The following NELL1 variants were observed in gnomAD, a reference collection of about 807,000 sequenced individuals.
NELL1 encodes the protein protein kinase C-binding protein NELL1.
In NELL1, 76 loss-of-function variants were observed where a neutral mutation model predicts 107.4. The ratio of observed to expected loss-of-function variants is 0.71; its 90% confidence interval spans 0.59 to 0.86. The LOEUF (loss-of-function observed/expected upper bound fraction) is 0.86. NELL1 is among the 40% of genes least tolerant of loss of function. NELL1 has a pLI of 0.00. For missense variants in NELL1, 1,024 were observed against 1,005.5 expected, an observed-to-expected ratio of 1.02 and a Z score of -0.25; for synonymous variants, 353 against 341.2, an observed-to-expected ratio of 1.03 and a Z score of -0.38.
intron 12 of NELL1, among the ~76,000 whole-genome samples, chr11:21,081,604 A>G (rs1854271137): frequency 6.6e-6 from 1 of 152,150 alleles, no homozygotes; most frequent in African/African-American, 2.4e-5. Context: ...TGAACACTGG[A>G]AGCATGAGAG....
chr11:20,705,697 G>A (rs1479047825), intron 2 of NELL1, among the ~76,000 whole-genome samples: 2 of 146,440 alleles, frequency 1.4e-5, no homozygotes, highest in Admixed American at 1.4e-4. Flanking sequence ...CTTCTGCACA[G>A]CAAAAGAAAC....
At chr11:21,274,019 A>T (rs1848799184) in intron 14 of NELL1, among the ~76,000 whole-genome samples, 1 of 152,210 alleles carries the variant, frequency 6.6e-6, no homozygotes, top group South Asian at 2.1e-4. Context: ...ACCAGCTAAC[A>T]TCATAATGAC....
At chr11:20,707,397 G>T (rs1264907604) in intron 2 of NELL1, among the ~76,000 whole-genome samples, 1 of 152,172 alleles carries the variant, frequency 6.6e-6, no homozygotes, top group Non-Finnish European at 1.5e-5. Flanking sequence ...GCTCAGCTTT[G>T]TTCCATTGCT....
At chr11:20,837,312 T>C (rs1426757100) in intron 3 of NELL1, among the ~76,000 whole-genome samples, 1 of 152,166 alleles carries the variant, frequency 6.6e-6, no homozygotes, top group Non-Finnish European at 1.5e-5. Context: ...TGATAACAGA[T>C]TAGAGTTTAA....
chr11:21,084,120 T>C (rs964362437), intron 12 of NELL1, among the ~76,000 whole-genome samples: 3 of 152,102 alleles, frequency 2.0e-5, no homozygotes, highest in Admixed American at 1.3e-4. Context: ...GCAGATGACA[T>C]TGAAATATTG....
At chr11:20,989,941 G>A (rs1296360147) in intron 12 of NELL1, among the ~76,000 whole-genome samples, 1 of 150,700 alleles carries the variant, frequency 6.6e-6, no homozygotes, top group Non-Finnish European at 1.5e-5. Flanking sequence ...AGCTTGCAGT[G>A]AGCCGAGATC....
intron 15 of NELL1, among the ~76,000 whole-genome samples, chr11:21,400,751 T>C (rs1852079209): frequency 6.6e-6 from 1 of 151,928 alleles, no homozygotes; most frequent in African/African-American, 2.4e-5. Context: ...ACGTCACCCT[T>C]TGGCATAATT....
chr11:21,368,396 G>A (rs1339627468), intron 14 of NELL1, among the ~76,000 whole-genome samples: 1 of 148,314 alleles, frequency 6.7e-6, no homozygotes, highest in East Asian at 2.0e-4. Context: ...AGTTCCCTTA[G>A]CCCTTATGGA....
intron 2 of NELL1, among the ~76,000 whole-genome samples, chr11:20,697,699 A>G (rs1519733): frequency 0.2 from 30,467 of 152,024 alleles, 3,322 homozygotes; most frequent in African/African-American, 0.25. Flanking sequence ...ATAAAAGAGA[A>G]CTGGCTTGCC....
chr11:21,393,279 G>A (rs1851918326), intron 15 of NELL1, among the ~76,000 whole-genome samples: 1 of 151,678 alleles, frequency 6.6e-6, no homozygotes, highest in Non-Finnish European at 1.5e-5. Context: ...CTTTGTGGAA[G>A]TTACAAATAC....
chr11:21,377,817 G>A (rs890500949), intron 15 of NELL1, among the ~76,000 whole-genome samples: 1 of 152,032 alleles, frequency 6.6e-6, no homozygotes, highest in Non-Finnish European at 1.5e-5. Context: ...TTGCTAGTTT[G>A]TGTATGTAGT....
At chr11:20,940,155 C>T (rs987208307) in intron 10 of NELL1, among the ~76,000 whole-genome samples, 1 of 151,946 alleles carries the variant, frequency 6.6e-6, no homozygotes, top group African/African-American at 2.4e-5. Flanking sequence ...CTGGTGTGCT[C>T]GCTCTCTCTC....
intron 15 of NELL1, among the ~76,000 whole-genome samples, chr11:21,376,529 G>C (rs1851484467): frequency 4.6e-5 from 7 of 152,030 alleles, no homozygotes; most frequent in Non-Finnish European, 2.9e-5. Flanking sequence ...TTGCTATGCA[G>C]TCTTTTTGTT....
chr11:21,330,566 A>T (rs1351780754), intron 14 of NELL1, among the ~76,000 whole-genome samples: 2 of 152,014 alleles, frequency 1.3e-5, no homozygotes, highest in Non-Finnish European at 2.9e-5. Flanking sequence ...TCTGGCCTCC[A>T]CTGTTTCTGG....
At chr11:21,067,261 A>G (rs2134372471) in intron 12 of NELL1, among the ~76,000 whole-genome samples, 1 of 152,354 alleles carries the variant, frequency 6.6e-6, no homozygotes, top group Middle Eastern at 3.4e-3. Context: ...AGTACAAGGA[A>G]AGGAAATGAT....
At chr11:21,212,486 T>G (rs1857519467) in intron 13 of NELL1, among the ~76,000 whole-genome samples, 1 of 152,140 alleles carries the variant, frequency 6.6e-6, no homozygotes, top group Admixed American at 6.6e-5. Context: ...CGCCTGGACA[T>G]AACCCTACTC....
At chr11:20,785,047 C>T (rs1856926335) in intron 3 of NELL1, among the ~76,000 whole-genome samples, 1 of 152,094 alleles carries the variant, frequency 6.6e-6, no homozygotes, top group Non-Finnish European at 1.5e-5. Flanking sequence ...GAAGCACAGG[C>T]AGAATTCCAG....
intron 14 of NELL1, among the ~76,000 whole-genome samples, chr11:21,315,455 G>C (rs1204615385): frequency 2.0e-5 from 3 of 152,104 alleles, no homozygotes; most frequent in Non-Finnish European, 4.4e-5. Context: ...GTTAAAGAAT[G>C]GACAGAACTT....
intron 16 of NELL1, among the ~76,000 whole-genome samples, chr11:21,553,934 G>A (rs1468452911): frequency 1.3e-5 from 2 of 151,882 alleles, no homozygotes; most frequent in East Asian, 1.9e-4. Flanking sequence ...ACAATACAGT[G>A]TGTATAGCTG....
Sources: allele counts gnomAD v4.1 joint callset (sites outside exome capture counted in the v4.1 genomes callset), GRCh38; gene constraint gnomAD v4.1.1; transcripts MANE v1.5; gene names NCBI Gene and HGNC (gene_info 2026-07-23, HGNC 2026-07-21).